Variants in DOCK7 observed in about 807,000 individuals in gnomAD.
DOCK7 encodes the protein dedicator of cytokinesis protein 7.
In DOCK7, 138 loss-of-function variants were observed where a neutral mutation model predicts 271.0. The ratio of observed to expected loss-of-function variants is 0.51; its 90% confidence interval spans 0.44 to 0.59. The LOEUF (loss-of-function observed/expected upper bound fraction) is 0.59. Ranked by LOEUF, DOCK7 falls within the 20% of genes least tolerant of loss-of-function variation. DOCK7 has a pLI of 0.00. For missense variants in DOCK7, 2,066 were observed against 2,592.4 expected (o/e 0.80, Z 4.41); for synonymous variants, 823 against 876.1 (o/e 0.94, Z 1.07).
rs557589836 is a variant in DOCK7, at chr1:62,625,745, A to T, written c.1283-344T>A. 4.6e-5 allele frequency among the ~76,000 whole-genome samples: 7 copies of T among 152,332 alleles called. No individual in the cohort carries two copies. In the East Asian group the frequency reaches 5.8e-4, roughly 13 times the overall value. ...TCATCGTTAATCTTCCCTCAGTCTTAGCTCTTTAGTTTGAAAGAGAATTGT... is the reference window on the plus strand; with the variant it reads ...TCATCGTTAATCTTCCCTCAGTCTTTGCTCTTTAGTTTGAAAGAGAATTGT... On this transcript the variant is annotated intron_variant, in intron 11 of 49. Transcript: ENST00000635253.
At chr1:62,558,921 T>C in intron 20 of DOCK7, 68 bp downstream of exon 20, 2 of 1,321,468 alleles carry the variant, frequency 1.5e-6, no homozygotes, top group Non-Finnish European at 2.1e-6. Context: ...ATGTTTTTTT[T>C]TTTTAACAAA....
At chr1:62,509,599 T>C (rs987264535) in intron 34 of DOCK7, among the ~76,000 whole-genome samples, 3 of 151,966 alleles carry the variant, frequency 2.0e-5, no homozygotes, top group African/African-American at 4.8e-5. Flanking sequence ...ATCAGAGAAA[T>C]AGATTTGGAC....
chr1:62,554,098 G>A (rs571716383), intron 21 of DOCK7, among the ~76,000 whole-genome samples: 2 of 152,214 alleles, frequency 1.3e-5, no homozygotes, highest in Non-Finnish European at 1.5e-5. Flanking sequence ...ATCTTCATCA[G>A]TGACAATGTG....
intron 11 of DOCK7, among the ~76,000 whole-genome samples, chr1:62,625,769 G>T (rs1046143888): frequency 1.3e-5 from 2 of 152,152 alleles, no homozygotes; most frequent in East Asian, 1.9e-4. Flanking sequence ...AAAGAGAATT[G>T]TAAGATAATT....
intron 36 of DOCK7, 77 bp from the exon 37 acceptor site, chr1:62,504,859 G>A: frequency 6.6e-7 from 1 of 1,508,668 alleles, no homozygotes; most frequent in Non-Finnish European, 8.9e-7. Flanking sequence ...AACCTGAACT[G>A]GAGACTTGTT....
At position 62,513,623 on chromosome 1, in the gene DOCK7, A is replaced by T. The variant is rs1413975353; in HGVS notation, c.4120-17T>A. 3.7e-6 allele frequency: 6 copies of T among 1,608,020 alleles called. No individual in the cohort carries two copies. Among genetic ancestry groups the T allele is most frequent in the Non-Finnish European group, 5.1e-6 (6 of 1,178,266 alleles). On this transcript the variant is annotated splice_polypyrimidine_tract_variant and intron_variant, in intron 32 of 49. Transcript: ENST00000635253. The stretch of plus-strand genomic sequence containing the variant: ...TTTTTTCCCCTAAAATGTAAACATT[A>T]GAAGAGAAGAGGTATTGAGGAAATT...
At chr1:62,642,654 T>A (rs1342474833) in intron 7 of DOCK7, among the ~76,000 whole-genome samples, 1 of 152,206 alleles carries the variant, frequency 6.6e-6, no homozygotes, top group Non-Finnish European at 1.5e-5. Flanking sequence ...GTGTTATTGA[T>A]TTTGTTCTAT....
At chr1:62,527,500 G>A (rs527469512) in intron 31 of DOCK7, among the ~76,000 whole-genome samples, 6 of 152,008 alleles carry the variant, frequency 3.9e-5, no homozygotes, top group African/African-American at 1.2e-4. Context: ...TTAAGAAAAC[G>A]TGGCACATAT....
At chr1:62,466,238 T>C (rs1202680565) in intron 48 of DOCK7, among the ~76,000 whole-genome samples, 3 of 151,600 alleles carry the variant, frequency 2.0e-5, no homozygotes, top group Non-Finnish European at 4.4e-5. Flanking sequence ...TTAATGCAGA[T>C]AAAAGTGCCC....
intron 7 of DOCK7, among the ~76,000 whole-genome samples, chr1:62,643,371 T>C (rs185772649): frequency 1.3e-5 from 2 of 152,348 alleles, no homozygotes; most frequent in Admixed American, 6.5e-5. Flanking sequence ...AATGTGTTTG[T>C]TGAAAGGTAA....
intron 14 of DOCK7, chr1:62,604,069 T>C (rs1189441164): frequency 3.1e-6 from 5 of 1,613,324 alleles, no homozygotes; most frequent in Non-Finnish European, 4.2e-6. Context: ...ACAAACATTA[T>C]ATTGAATATT....
At chr1:62,531,459 A>C (rs1025957024) in intron 29 of DOCK7, among the ~76,000 whole-genome samples, 2 of 152,350 alleles carry the variant, frequency 1.3e-5, no homozygotes, top group South Asian at 2.1e-4. Flanking sequence ...AAACATAATA[A>C]TTCTTCAATA....
intron 25 of DOCK7, 64 bp downstream of exon 25, chr1:62,542,544 G>C: frequency 6.8e-7 from 1 of 1,467,980 alleles, no homozygotes; most frequent in Non-Finnish European, 9.4e-7. Flanking sequence ...GGTAACAAAT[G>C]AGCTAGCATA....
At chr1:62,565,953 T>C (rs563416317) in intron 18 of DOCK7, among the ~76,000 whole-genome samples, 4 of 152,240 alleles carry the variant, frequency 2.6e-5, no homozygotes, top group East Asian at 1.9e-4. Flanking sequence ...CCATTCACAA[T>C]TGCTACAAAG....
chr1:62,579,072 T>C, intron 16 of DOCK7, 106 bp from the exon 17 acceptor site: 2 of 1,110,402 alleles, frequency 1.8e-6, no homozygotes, highest in Middle Eastern at 3.3e-4. Flanking sequence ...ATGTTTAATT[T>C]TTCCTCTAGT....
chr1:62,634,141 T>C (rs1039076150), intron 9 of DOCK7, among the ~76,000 whole-genome samples: 5 of 152,074 alleles, frequency 3.3e-5, no homozygotes, highest in African/African-American at 1.2e-4. Flanking sequence ...AAAAAAAATT[T>C]CATTTATAAT....
chr1:62,475,379 G>C, intron 46 of DOCK7, 28 bp from the exon 47 acceptor site: 4 of 1,602,738 alleles, frequency 2.5e-6, no homozygotes, highest in Non-Finnish European at 3.4e-6. Context: ...TGTTAAATCA[G>C]TGTACTGACT....
At chr1:62,582,784 G>A (rs879479427) in intron 16 of DOCK7, among the ~76,000 whole-genome samples, 10 of 151,970 alleles carry the variant, frequency 6.6e-5, no homozygotes, top group African/African-American at 1.2e-4. Flanking sequence ...GAAGAAAAAT[G>A]ACAAGTCACT....
At chr1:62,618,511 T>C (rs1361152890) in intron 14 of DOCK7, among the ~76,000 whole-genome samples, 195 bp downstream of exon 14, 1 of 152,170 alleles carries the variant, frequency 6.6e-6, no homozygotes, top group East Asian at 1.9e-4. Context: ...AGATAAAGCA[T>C]GTAAGGTAAT....
Sources: gnomAD v4.1 joint callset for allele counts (sites outside exome capture counted in the v4.1 genomes callset) on GRCh38, gnomAD v4.1.1 for gene constraint, MANE v1.5 for transcripts, NCBI Gene and HGNC (gene_info 2026-07-23, HGNC 2026-07-21) for gene names.